The following EVC2 variants were observed in gnomAD, a reference collection of about 807,000 sequenced individuals.
The protein encoded by EVC2 is limbin.
EVC2 carries 148 observed loss-of-function variants against 149.3 expected under a neutral mutation model. The ratio of observed to expected loss-of-function variants is 0.99; its 90% CI spans 0.87 to 1.14. The LOEUF (loss-of-function observed/expected upper bound fraction) is 1.14. Among genes scored for constraint, EVC2 ranks in the 50% most tolerant of loss-of-function variants. The pLI, the probability that EVC2 is intolerant of heterozygous loss-of-function variation, is 0.00. For missense variants in EVC2, 1,854 were observed against 1,627.3 expected (o/e 1.14, Z -2.40); for synonymous variants, 776 against 649.9 (o/e 1.19, Z -2.95).
the EVC2 span, among the ~76,000 whole-genome samples, chr4:5,531,275 T>C: frequency 6.6e-6 from 1 of 152,156 alleles, no homozygotes; most frequent in Non-Finnish European, 1.5e-5. Flanking sequence ...CAATAGAATG[T>C]GTATATATGG....
chr4:5,664,563 T>C (rs1719127738), intron 8 of EVC2, among the ~76,000 whole-genome samples: 1 of 152,146 alleles, frequency 6.6e-6, no homozygotes. Context: ...ACGTTTTTCT[T>C]CTCACTTTTG....
chr4:5,560,646 C>A (rs951334764), downstream of EVC2, among the ~76,000 whole-genome samples: 7 of 151,972 alleles, frequency 4.6e-5, no homozygotes, highest in African/African-American at 1.7e-4. This position sits in a 1 kb window ranked among gnomAD's most constrained non-coding sequence, Gnocchi z 4.1. Context: ...CAGAGCCAAA[C>A]CATATCAGAT....
In EVC2 at chr4:5,677,049, C is replaced by G; in HGVS notation, c.870+4211G>C. On this transcript the variant is annotated intron_variant, in intron 7 of 21. Transcript: ENST00000344408. The surrounding 1 kb of genome is among the most constrained non-coding windows in gnomAD (Gnocchi z 4.3). The stretch of plus-strand genomic sequence containing the variant: ...CATTCACTGTCAGCATCACAGAACA[C>G]TTGGCACAGCTGTGCTGTTCTCATG... Among the ~76,000 whole-genome samples the G allele has an allele frequency of 6.6e-6, 1 of 152,188 alleles. No homozygotes were observed. The highest frequency in any genetic ancestry group is 1.9e-4 in the East Asian group (1 of 5,182).
In EVC2 at chr4:5,638,325, G is replaced by A. The variant is rs191325682; in HGVS notation, c.1470+2189C>T. On this transcript the variant is annotated intron_variant, in intron 10 of 21. Coordinates refer to ENST00000344408, the MANE Select transcript of EVC2 (RefSeq NM_147127.5). ...AATCACTTGAGCCCAGGAGGTGGAGGTTGCAGTGAGCCAAGACTGCACCAC... is the reference window on the plus strand; with the variant it reads ...AATCACTTGAGCCCAGGAGGTGGAGATTGCAGTGAGCCAAGACTGCACCAC... Among the ~76,000 whole-genome samples the A allele has an allele frequency of 3.2e-4, 48 of 152,018 alleles. No individual in the cohort carries two copies. The East Asian group carries it at 6.6e-3, about 21-fold the overall frequency.
chr4:5,594,421 C>A (rs1421253295), intron 16 of EVC2, among the ~76,000 whole-genome samples: 1 of 152,178 alleles, frequency 6.6e-6, no homozygotes, highest in Admixed American at 6.5e-5. Flanking sequence ...TCATGAAAAT[C>A]CGCTGTTCTG....
chr4:5,557,687 C>T (rs547034780), downstream of EVC2, among the ~76,000 whole-genome samples: 5 of 151,966 alleles, frequency 3.3e-5, no homozygotes, highest in African/African-American at 1.2e-4. Flanking sequence ...AAACAAAAAA[C>T]CCCCAAAACT....
chr4:5,671,700 C>T (rs540126655), intron 7 of EVC2, among the ~76,000 whole-genome samples: 5 of 152,170 alleles, frequency 3.3e-5, no homozygotes, highest in South Asian at 4.2e-4. Context: ...TTTGTAGAGA[C>T]GGGGTTTCAC....
Position 5,637,897 on chromosome 4 carries a change from C to T in EVC2, c.1470+2617G>A, listed in dbSNP as rs539496413. 1.9e-4 allele frequency among the ~76,000 whole-genome samples: 28 copies of T among 150,852 alleles called. No homozygotes were observed. Among genetic ancestry groups the T allele is most frequent in the South Asian group, 1.7e-3 (8 of 4,764 alleles). On this transcript the variant is annotated intron_variant, in intron 10 of 21. Coordinates refer to ENST00000344408, the MANE Select transcript of EVC2 (RefSeq NM_147127.5). The surrounding 1 kb of genome is among the most constrained non-coding windows in gnomAD (Gnocchi z 4.4). ...TAAGGGGCCATATTTTAGAGTTTGTCACCTGAGGTCTCTGTTATGTATTCT... is the reference window on the plus strand; with the variant it reads ...TAAGGGGCCATATTTTAGAGTTTGTTACCTGAGGTCTCTGTTATGTATTCT...
chr4:5,543,685 G>A (rs557474185), intron 21 of EVC2, among the ~76,000 whole-genome samples: 2 of 152,268 alleles, frequency 1.3e-5, no homozygotes, highest in Admixed American at 6.5e-5. Context: ...GAACCATAGG[G>A]GTGGGGGATA....
intron 21 of EVC2, among the ~76,000 whole-genome samples, chr4:5,555,873 T>G (rs1721829059): frequency 6.6e-6 from 1 of 152,134 alleles, no homozygotes; most frequent in African/African-American, 2.4e-5. Context: ...TTCACCAAGA[T>G]AGGCCACATA....
rs201059371 is a variant in EVC2 at position 5,631,777 on chromosome 4, G to A, written c.1710+16C>T. 393 of 1,613,118 alleles carry A rather than the reference G, an allele frequency of 2.4e-4. 2 individuals carry two copies. Among genetic ancestry groups the A allele is most frequent in the Admixed American group, 5.0e-5 (3 of 60,006 alleles). On this transcript the variant is annotated intron_variant, in intron 11 of 21. Transcript: ENST00000344408. ...AGAAAAATTACTTTTCCATCACAGC[G>A]AGGCTGATGTATTACCTGTATTTTA... is the stretch of plus-strand genomic sequence containing the variant.
chr4:5,576,470 G>A lies in EVC2; in HGVS notation c.3058-16C>T. 1.9e-6 allele frequency: 3 copies of A among 1,571,832 alleles called. No individual in the cohort carries two copies. Among genetic ancestry groups the A allele is most frequent in the African/African-American group, 1.4e-5 (1 of 73,908 alleles). On this transcript the variant is annotated splice_polypyrimidine_tract_variant and intron_variant, in intron 17 of 21. Coordinates refer to ENST00000344408, the MANE Select transcript of EVC2 (RefSeq NM_147127.5). The surrounding 1 kb of genome is among the most constrained non-coding windows in gnomAD (Gnocchi z 4.5). ...CCTGGAGCTCCTACACAAGGAAGGG[G>A]CAGAGGGTAAGCACCACTGCACAAG...
rs75447529 is a variant in EVC2 at position 5,701,720 on chromosome 4, C to T, written c.229-4073G>A. Among the ~76,000 whole-genome samples the T allele has an allele frequency of 4.2e-3, 646 of 152,338 alleles. 11 individuals are homozygous for T. The highest frequency in any genetic ancestry group is 0.013 in the African/African-American group (555 of 41,576). On this transcript the variant is annotated intron_variant, in intron 1 of 21. Coordinates refer to ENST00000344408, the MANE Select transcript of EVC2 (RefSeq NM_147127.5). ...AATCCAGACTTGAATGCCTAAGAGA[C>T]ATGTCGAACTCAACAGCAGTGATTT...
intron 17 of EVC2, among the ~76,000 whole-genome samples, chr4:5,578,505 G>A (rs574052350): frequency 6.6e-6 from 1 of 152,308 alleles, no homozygotes; most frequent in Admixed American, 6.5e-5. Flanking sequence ...TCACAGAGCT[G>A]GGCAAGAGGC....
At chr4:5,627,954 G>C (rs1286837115) in intron 12 of EVC2, among the ~76,000 whole-genome samples, 1 of 152,096 alleles carries the variant, frequency 6.6e-6, no homozygotes, top group Non-Finnish European at 1.5e-5. Flanking sequence ...GAGATGTGTA[G>C]CTACATCAAA....
At chr4:5,629,646 G>A (rs1716385669) in intron 11 of EVC2, among the ~76,000 whole-genome samples, 1 of 152,216 alleles carries the variant, frequency 6.6e-6, no homozygotes, top group Non-Finnish European at 1.5e-5. Context: ...CATAAGAGCT[G>A]TAACATCTCC....
At chr4:5,692,593 C>T (rs1009646152) in intron 3 of EVC2, among the ~76,000 whole-genome samples, 30 of 151,730 alleles carry the variant, frequency 2.0e-4, no homozygotes, top group African/African-American at 5.8e-4. Context: ...AAATGCCGGG[C>T]GCGGTGGCTC....
intron 21 of EVC2, among the ~76,000 whole-genome samples, chr4:5,555,666 T>C (rs906392721): frequency 6.6e-6 from 1 of 152,062 alleles, no homozygotes; most frequent in African/African-American, 2.4e-5. Context: ...TATATGCAAA[T>C]TCAATATAAA....
In EVC2 at chr4:5,618,326, G is replaced by C. The variant is rs1715421102; in HGVS notation, c.2706+152C>G. On this transcript the variant is annotated intron_variant, in intron 15 of 21. Coordinates refer to ENST00000344408, the MANE Select transcript of EVC2 (RefSeq NM_147127.5). This position sits in a 1 kb window ranked among gnomAD's most constrained non-coding sequence, Gnocchi z 4.4. ...AGTTGGGACAGCCCTGGAGATTCCTGGAATAGCTGGACACCAATGCAGCCA... is the reference window on the plus strand; with the variant it reads ...AGTTGGGACAGCCCTGGAGATTCCTCGAATAGCTGGACACCAATGCAGCCA... 4 of 870,250 alleles carry C rather than the reference G, an allele frequency of 4.6e-6. No individual in the cohort carries two copies. The highest frequency in any genetic ancestry group is 7.4e-6 in the Non-Finnish European group (4 of 537,282). 53.9% of individuals were successfully genotyped at this position (870,250 alleles called of 1,614,324 possible).
Sources: gnomAD v4.1 joint callset for allele counts (sites outside exome capture counted in the v4.1 genomes callset) on GRCh38, gnomAD v4.1.1 for gene constraint, Gnocchi (gnomAD v3.1) non-coding constraint, MANE v1.5 for transcripts, NCBI Gene and HGNC (gene_info 2026-07-23, HGNC 2026-07-21) for gene names.